The following RSRC1 variants were observed in gnomAD, a reference collection of about 807,000 sequenced individuals.
RSRC1 encodes arginine and serine rich coiled-coil 1, also known as serine/Arginine-related protein 53.
A neutral mutation model predicts 49.1 loss-of-function variants in RSRC1; 39 were observed. That is an observed-to-expected ratio of 0.79 (90% confidence interval 0.61 to 1.04). The LOEUF (loss-of-function observed/expected upper bound fraction) is 1.04, where lower values mean the gene tolerates loss of function less well. RSRC1 is among the 50% of genes least tolerant of loss of function. The probability of loss-of-function intolerance (pLI) is 0.00; values close to 1 mark genes in which losing one functional copy is unlikely to be tolerated. For missense variants in RSRC1, 388 were observed against 402.4 expected, an observed-to-expected ratio of 0.96 and a Z score of 0.31; for synonymous variants, 143 against 130.8, an observed-to-expected ratio of 1.09 and a Z score of -0.63.
intron 3 of RSRC1, among the ~76,000 whole-genome samples, chr3:158,200,247 C>T (rs1303136789): frequency 2.6e-5 from 4 of 152,206 alleles, no homozygotes; most frequent in Admixed American, 2.0e-4. Flanking sequence ...ACCATGTTAG[C>T]CCGGATGGTC....
intron 4 of RSRC1, among the ~76,000 whole-genome samples, chr3:158,252,457 G>A (rs932105358): frequency 1.3e-5 from 2 of 152,116 alleles, no homozygotes; most frequent in Non-Finnish European, 2.9e-5. Context: ...AAGCCACCAC[G>A]CCCGGCCGAT....
intron 6 of RSRC1, among the ~76,000 whole-genome samples, chr3:158,370,251 G>A (rs7622013): frequency 0.093 from 14,064 of 151,852 alleles, 2,216 homozygotes; most frequent in African/African-American, 0.33. Context: ...AACTGAAGAG[G>A]TCTAGCAAAG....
intron 3 of RSRC1, among the ~76,000 whole-genome samples, chr3:158,127,926 C>T (rs1715739746): frequency 6.6e-6 from 1 of 152,072 alleles, no homozygotes. Context: ...AGATATCATT[C>T]CCTCTGGCAC....
At chr3:158,229,844 T>G (rs925186441) in intron 4 of RSRC1, among the ~76,000 whole-genome samples, 1 of 152,038 alleles carries the variant, frequency 6.6e-6, no homozygotes, top group Non-Finnish European at 1.5e-5. Context: ...ACCAGTCTCT[T>G]TAGCCCTAAT....
At chr3:158,446,862 A>G (rs183017595) in intron 6 of RSRC1, among the ~76,000 whole-genome samples, 215 of 152,166 alleles carry the variant, frequency 1.4e-3, no homozygotes, top group Middle Eastern at 3.4e-3. Flanking sequence ...AGTAAATGCA[A>G]CAGTTTCATT....
intron 3 of RSRC1, among the ~76,000 whole-genome samples, chr3:158,183,490 T>G (rs576532461): frequency 9.9e-5 from 15 of 152,142 alleles, no homozygotes; most frequent in Non-Finnish European, 1.9e-4. Flanking sequence ...GATTTTTTGC[T>G]TAAAAAGTAA....
At chr3:158,375,004 G>T (rs147075883) in intron 6 of RSRC1, among the ~76,000 whole-genome samples, 2 of 151,794 alleles carry the variant, frequency 1.3e-5, no homozygotes, top group Admixed American at 6.6e-5. Flanking sequence ...TGAAATGGTC[G>T]TTATTTCGCA....
intron 4 of RSRC1, among the ~76,000 whole-genome samples, chr3:158,291,929 G>A (rs925381491): frequency 4.6e-5 from 7 of 152,172 alleles, no homozygotes; most frequent in Admixed American, 1.3e-4. Context: ...GTTTTTAGAC[G>A]TAGAGTATAT....
At chr3:158,159,403 G>T (rs1011629405) in intron 3 of RSRC1, among the ~76,000 whole-genome samples, 2 of 152,070 alleles carry the variant, frequency 1.3e-5, no homozygotes, top group Non-Finnish European at 2.9e-5. Context: ...ATGATTATAG[G>T]AATATTATTA....
intron 3 of RSRC1, chr3:158,132,245 C>A: frequency 2.8e-6 from 1 of 351,404 alleles, no homozygotes; most frequent in Non-Finnish European, 6.0e-6. Context: ...CTTGGCCTCA[C>A]TAAGTGCAGG....
intron 6 of RSRC1, among the ~76,000 whole-genome samples, chr3:158,417,174 G>T (rs563314838): frequency 6.6e-6 from 1 of 152,074 alleles, no homozygotes; most frequent in South Asian, 2.1e-4. Flanking sequence ...TGTAACTTCA[G>T]AATTCTCAAC....
At chr3:158,149,889 T>C (rs1451699558) in intron 3 of RSRC1, among the ~76,000 whole-genome samples, 1 of 151,708 alleles carries the variant, frequency 6.6e-6, no homozygotes, top group Non-Finnish European at 1.5e-5. Flanking sequence ...AGCATAACCC[T>C]GTAACACAAT....
chr3:158,432,391 C>T (rs2108359210), intron 6 of RSRC1, among the ~76,000 whole-genome samples: 1 of 151,982 alleles, frequency 6.6e-6, no homozygotes, highest in Non-Finnish European at 1.5e-5. Context: ...GTAACCAGGA[C>T]ATAAGAGAGT....
At chr3:158,402,911 A>G (rs937419489) in intron 6 of RSRC1, among the ~76,000 whole-genome samples, 1 of 151,860 alleles carries the variant, frequency 6.6e-6, no homozygotes, top group African/African-American at 2.4e-5. Context: ...AGATGATAAA[A>G]TGAGTTGTGC....
intron 6 of RSRC1, among the ~76,000 whole-genome samples, chr3:158,355,200 T>C (rs1731092536): frequency 6.6e-6 from 1 of 151,992 alleles, no homozygotes; most frequent in African/African-American, 2.4e-5. Flanking sequence ...TTTTATGTAC[T>C]ATGGTTTTGG....
intron 6 of RSRC1, among the ~76,000 whole-genome samples, chr3:158,447,388 A>C (rs1348889266): frequency 1.3e-5 from 2 of 152,010 alleles, no homozygotes; most frequent in Non-Finnish European, 2.9e-5. Flanking sequence ...TTTCATCCTT[A>C]TTTTACAATG....
intron 4 of RSRC1, among the ~76,000 whole-genome samples, chr3:158,291,861 A>C (rs890820281): frequency 6.6e-6 from 1 of 152,230 alleles, no homozygotes; most frequent in Admixed American, 6.5e-5. Flanking sequence ...GATCTAAAAA[A>C]TCTTAGTGTT....
intron 5 of RSRC1, among the ~76,000 whole-genome samples, chr3:158,317,859 C>T (rs1437530934): frequency 6.6e-6 from 1 of 152,118 alleles, no homozygotes; most frequent in Non-Finnish European, 1.5e-5. Flanking sequence ...CGTGCCTGGC[C>T]TAAAAAACAT....
chr3:158,365,972 C>T (rs1055332578), intron 6 of RSRC1, among the ~76,000 whole-genome samples: 1 of 152,006 alleles, frequency 6.6e-6, no homozygotes, highest in Non-Finnish European at 1.5e-5. Flanking sequence ...CTGTTCATAT[C>T]CTTTGCCTAC....
Sources: allele counts gnomAD v4.1 joint callset (sites outside exome capture counted in the v4.1 genomes callset), GRCh38; gene constraint gnomAD v4.1.1; transcripts MANE v1.5; gene names NCBI Gene and HGNC (gene_info 2026-07-23, HGNC 2026-07-21).